Variants in PINX1 observed in about 807,000 individuals in gnomAD.
PINX1 encodes PIN2/TERF1-interacting telomerase inhibitor 1.
In PINX1, 34 loss-of-function variants were observed where a neutral mutation model predicts 25.4. The observed-to-expected ratio is 1.34, with a 90% CI of 1.02 to 1.78. The LOEUF (loss-of-function observed/expected upper bound fraction) is 1.78. Among genes scored for constraint, PINX1 ranks in the 40% most tolerant of loss-of-function variants. The pLI, the probability that PINX1 is intolerant of heterozygous loss-of-function variation, is 0.00. For synonymous variants in PINX1, 197 were observed against 147.7 expected (o/e 1.33, Z -2.42); for missense variants, 592 against 404.9 (o/e 1.46, Z -3.97).
intron 6 of PINX1, among the ~76,000 whole-genome samples, chr8:10,792,172 C>T (rs1278510999): frequency 2.0e-5 from 3 of 152,258 alleles, no homozygotes; most frequent in Non-Finnish European, 2.9e-5. Context: ...CCCGCAGATG[C>T]GCTGGCCTCG....
chr8:10,768,164 A>C (rs10099907), intron 6 of PINX1, among the ~76,000 whole-genome samples: 2 of 146,452 alleles, frequency 1.4e-5, no homozygotes, highest in East Asian at 4.1e-4. Flanking sequence ...ACAGAGACAG[A>C]CTCGGTGACG....
At chr8:10,798,753 C>T (rs890477766) in intron 6 of PINX1, among the ~76,000 whole-genome samples, 31 of 152,178 alleles carry the variant, frequency 2.0e-4, no homozygotes, top group Admixed American at 3.9e-4. Flanking sequence ...ATGGCCTGGT[C>T]ACTGTTTCTG....
intron 6 of PINX1, among the ~76,000 whole-genome samples, chr8:10,819,189 C>T (rs1257381384): frequency 1.3e-5 from 2 of 152,178 alleles, no homozygotes; most frequent in African/African-American, 4.8e-5. Context: ...GAATTCAGTC[C>T]CAATCTGCAC....
At chr8:10,790,472 C>T (rs1482375445) in intron 6 of PINX1, among the ~76,000 whole-genome samples, 14 of 152,140 alleles carry the variant, frequency 9.2e-5, no homozygotes, top group Non-Finnish European at 2.9e-5. Flanking sequence ...TCCAGAGCTG[C>T]TCCCATCTGC....
chr8:10,792,455 C>T (rs565151366), intron 6 of PINX1, among the ~76,000 whole-genome samples: 30 of 152,216 alleles, frequency 2.0e-4, no homozygotes, highest in African/African-American at 7.0e-4. Flanking sequence ...TTGACCGTCC[C>T]TCCCCCGTGA....
At chr8:10,832,856 T>C (rs764662355) in intron 3 of PINX1, 36 bp downstream of exon 3, 5 of 1,277,056 alleles carry the variant, frequency 3.9e-6, no homozygotes, top group Non-Finnish European at 5.7e-6. Flanking sequence ...AAGCCAATTA[T>C]GCAAAGACAC....
chr8:10,826,224 T>C lies in PINX1; in HGVS notation c.322A>G (p.Lys108Glu). Residue 108 changes from lysine to glutamate, a missense_variant, in exon 5 of 7, where the codon AAG becomes GAG. By Grantham distance (56) the Lys-to-Glu change is moderately conservative. Transcript: ENST00000314787. ...TTTTCCTCAAGGCTAAAAGATTTCT[T>C]TTCCTTCTTGTCCGAGGAATCTTTA... ...ETTDSSDKKE[K>E]KSFSLEEKSK... 1.9e-6 allele frequency: 3 copies of C among 1,586,116 alleles called. No individual in the cohort carries two copies. The highest frequency in any genetic ancestry group is 1.1e-5 in the South Asian group (1 of 88,284).
At chr8:10,809,685 C>A (rs1179115145) in intron 6 of PINX1, among the ~76,000 whole-genome samples, 1 of 152,226 alleles carries the variant, frequency 6.6e-6, no homozygotes, top group African/African-American at 2.4e-5. Context: ...AACATTCACA[C>A]ATCCAGGACA....
At chr8:10,796,195 G>C (rs1200816363) in intron 6 of PINX1, among the ~76,000 whole-genome samples, 1 of 152,176 alleles carries the variant, frequency 6.6e-6, no homozygotes, top group African/African-American at 2.4e-5. Flanking sequence ...GATTGGCTCA[G>C]ATAAGAGAGG....
intron 5 of PINX1, 40 bp downstream of exon 5, chr8:10,826,112 C>T (rs368205012): frequency 1.0e-5 from 12 of 1,146,960 alleles, no homozygotes; most frequent in Non-Finnish European, 1.5e-5. Context: ...AGGACAAACA[C>T]GTAGATTTCA....
intron 4 of PINX1, 147 bp downstream of exon 4, chr8:10,831,518 C>T (rs1324195742): frequency 5.1e-5 from 32 of 622,466 alleles, no homozygotes; most frequent in East Asian, 2.8e-5. Flanking sequence ...CACATGTGTA[C>T]ATTACAAATT....
intron 6 of PINX1, among the ~76,000 whole-genome samples, chr8:10,787,989 T>G (rs1469797334): frequency 6.6e-6 from 1 of 152,230 alleles, no homozygotes; most frequent in Middle Eastern, 3.2e-3. Flanking sequence ...CTGGATTTGA[T>G]GATACTGAGA....
intron 6 of PINX1, among the ~76,000 whole-genome samples, chr8:10,769,384 T>C (rs1365197088): frequency 6.6e-6 from 1 of 152,218 alleles, no homozygotes; most frequent in Non-Finnish European, 1.5e-5. Flanking sequence ...TCAAAAACAT[T>C]TGATGACTGA....
intron 6 of PINX1, among the ~76,000 whole-genome samples, chr8:10,796,198 AAG>A (rs1802078989): frequency 6.6e-6 from 1 of 152,198 alleles, no homozygotes; most frequent in Non-Finnish European, 1.5e-5. Context: ...TGGCTCAGAT[AAG>A]AGAGGCTTCC....
intron 1 of PINX1, among the ~76,000 whole-genome samples, chr8:10,835,171 T>C (rs1413422573): frequency 1.3e-5 from 2 of 152,224 alleles, no homozygotes; most frequent in Non-Finnish European, 2.9e-5. Context: ...CATGCGTTAC[T>C]ACATACAAAA....
intron 6 of PINX1, among the ~76,000 whole-genome samples, chr8:10,772,514 A>C (rs1243093715): frequency 6.6e-6 from 1 of 152,236 alleles, no homozygotes; most frequent in Non-Finnish European, 1.5e-5. Flanking sequence ...TTTTACACTC[A>C]CAAAAAGCTT....
chr8:10,832,864 C>A, intron 3 of PINX1, 28 bp downstream of exon 3: 1 of 1,381,028 alleles, frequency 7.2e-7, no homozygotes, highest in Non-Finnish European at 1.0e-6. Flanking sequence ...TATGCAAAGA[C>A]ACCCAGGAGG....
intron 6 of PINX1, among the ~76,000 whole-genome samples, chr8:10,817,014 C>T (rs1241570070): frequency 6.6e-6 from 1 of 152,168 alleles, no homozygotes; most frequent in African/African-American, 2.4e-5. Context: ...TGGAATTCTA[C>T]GATGGCAGTC....
chr8:10,780,482 C>T (rs1801551405), intron 6 of PINX1, among the ~76,000 whole-genome samples: 1 of 152,024 alleles, frequency 6.6e-6, no homozygotes, highest in Non-Finnish European at 1.5e-5. Context: ...TTTGTCTTTC[C>T]ATCTGTTAAT....
Sources: allele counts gnomAD v4.1 joint callset (sites outside exome capture counted in the v4.1 genomes callset), GRCh38; gene constraint gnomAD v4.1.1; transcripts MANE v1.5; gene names NCBI Gene and HGNC (gene_info 2026-07-23, HGNC 2026-07-21).